The following CPEB3 variants were observed in gnomAD, a reference collection of about 807,000 sequenced individuals.
CPEB3 encodes the protein cytoplasmic polyadenylation element binding protein 3, also known as cytoplasmic polyadenylation element-binding protein 3.
CPEB3 carries 20 observed loss-of-function variants against 67.2 expected under a neutral mutation model. That is an observed-to-expected ratio of 0.30 (90% CI 0.21 to 0.43). The LOEUF (loss-of-function observed/expected upper bound fraction) is 0.43. Among genes scored for constraint, CPEB3 ranks in the 20% least tolerant of loss-of-function variants. The probability of loss-of-function intolerance (pLI) is 1.00; values close to 1 mark genes in which losing one functional copy is unlikely to be tolerated. For synonymous variants in CPEB3, 376 were observed against 393.1 expected (o/e 0.96, Z 0.51); for missense variants, 746 against 968.6 (o/e 0.77, Z 3.05).
intron 7 of CPEB3, among the ~76,000 whole-genome samples, chr10:92,104,691 T>C (rs1279342078): frequency 6.6e-6 from 1 of 151,910 alleles, no homozygotes; most frequent in Non-Finnish European, 1.5e-5. Context: ...CGGCTGGAAA[T>C]GCAACGTTTT....
intron 6 of CPEB3, among the ~76,000 whole-genome samples, chr10:92,120,098 C>CAAAAAAAAAAAAAAAAAACAAGCA (rs1845272400): frequency 1.3e-4 from 6 of 45,244 alleles, no homozygotes; most frequent in African/African-American, 7.8e-4. Context: ...ACTAAAAATA[C>CAAAAAAAAAAAAAAAAAACAAGCA]AAAAAAAAAA....
chr10:92,090,281 C>T (rs117667557), intron 8 of CPEB3, among the ~76,000 whole-genome samples: 5,558 of 152,288 alleles, frequency 0.036, 282 homozygotes, highest in East Asian at 0.18. Flanking sequence ...TGGCTCACGC[C>T]TGTAATCCCA....
chr10:92,276,873 T>TC (rs753316166), intron 1 of CPEB3, among the ~76,000 whole-genome samples: 33,746 of 152,142 alleles, frequency 0.22, 4,697 homozygotes, highest in Middle Eastern at 0.34. Flanking sequence ...CTATGATGGC[T>TC]AGTCATCCTG....
Position 92,132,868 on chromosome 10 carries a change from C to G in CPEB3, c.1453+10161G>C, listed in dbSNP as rs1845909737. Among the ~76,000 whole-genome samples, 8 of 152,310 alleles carry G rather than the reference C, an allele frequency of 5.3e-5. No homozygotes were observed. The South Asian group carries it at 1.7e-3, about 32-fold the overall frequency. On this transcript the variant is annotated intron_variant, in intron 6 of 9. Transcript: ENST00000265997. ...AGAACTCAGGATTAAGAAACTCACTCAAAACCACACAACTACATGAAAACT... is the reference window on the plus strand; with the variant it reads ...AGAACTCAGGATTAAGAAACTCACTGAAAACCACACAACTACATGAAAACT...
chr10:92,213,788 T>C (rs1246874465), intron 2 of CPEB3, among the ~76,000 whole-genome samples: 2 of 152,090 alleles, frequency 1.3e-5, no homozygotes, highest in Admixed American at 6.6e-5. Context: ...ACAACTAGGG[T>C]AAATCTCCTA....
intron 1 of CPEB3, among the ~76,000 whole-genome samples, chr10:92,254,752 T>G (rs945282467): frequency 1.3e-5 from 2 of 152,110 alleles, no homozygotes; most frequent in Non-Finnish European, 2.9e-5. Context: ...TTGATCTCCT[T>G]GGCTCAAGAG....
At chr10:92,203,085 G>A (rs1264455332) in intron 2 of CPEB3, among the ~76,000 whole-genome samples, 4 of 151,246 alleles carry the variant, frequency 2.6e-5, no homozygotes, top group Admixed American at 2.6e-4. Flanking sequence ...GGGATTACAG[G>A]CACGTGCCAC....
At chr10:92,120,519 G>A (rs1356892910) in intron 6 of CPEB3, among the ~76,000 whole-genome samples, 2 of 152,056 alleles carry the variant, frequency 1.3e-5, no homozygotes, top group Non-Finnish European at 2.9e-5. Flanking sequence ...AGGAGGCGGA[G>A]CTTGCAGTGA....
intron 8 of CPEB3, among the ~76,000 whole-genome samples, chr10:92,088,225 A>ATTTTTTT (rs374452327): frequency 7.9e-6 from 1 of 126,324 alleles, no homozygotes; most frequent in Non-Finnish European, 1.6e-5. Flanking sequence ...TTCCAACCTA[A>ATTTTTTT]TTTTTTTTTT....
intron 2 of CPEB3, among the ~76,000 whole-genome samples, chr10:92,215,575 G>A (rs1238635896): frequency 1.4e-5 from 2 of 145,086 alleles, no homozygotes; most frequent in African/African-American, 5.1e-5. Flanking sequence ...CTGAGTAGCT[G>A]GGATTACAGG....
chr10:92,169,982 T>G (rs1358984838), intron 4 of CPEB3, among the ~76,000 whole-genome samples: 1 of 152,190 alleles, frequency 6.6e-6, no homozygotes, highest in African/African-American at 2.4e-5. Flanking sequence ...ATCCTCATTC[T>G]CACTATTCCA....
chr10:92,194,944 T>C (rs1849162271), intron 2 of CPEB3, among the ~76,000 whole-genome samples: 1 of 151,736 alleles, frequency 6.6e-6, no homozygotes, highest in African/African-American at 2.4e-5. Flanking sequence ...CTAGGGAGGC[T>C]AAGGCAGGAG....
chr10:92,084,918 C>T (rs1408786702), intron 8 of CPEB3, among the ~76,000 whole-genome samples: 3 of 152,138 alleles, frequency 2.0e-5, no homozygotes, highest in Non-Finnish European at 4.4e-5. Flanking sequence ...ATACTATGAC[C>T]ACCCTTGAAG....
At chr10:92,160,236 C>G (rs557281306) in intron 4 of CPEB3, among the ~76,000 whole-genome samples, 1 of 152,060 alleles carries the variant, frequency 6.6e-6, no homozygotes. Flanking sequence ...TGAGCCACCG[C>G]GCCCAGCTGA....
intron 4 of CPEB3, among the ~76,000 whole-genome samples, chr10:92,160,589 C>T (rs551206007): frequency 3.9e-5 from 6 of 152,228 alleles, no homozygotes; most frequent in Admixed American, 1.3e-4. Context: ...AAAGGAAATA[C>T]TCCATATTTT....
chr10:92,112,565 A>G (rs1012683791), intron 6 of CPEB3, among the ~76,000 whole-genome samples: 5 of 152,252 alleles, frequency 3.3e-5, no homozygotes, highest in Non-Finnish European at 7.3e-5. Flanking sequence ...AATCACAAGG[A>G]GCAAAGGCCC....
At chr10:92,195,286 C>T (rs965883098) in intron 2 of CPEB3, among the ~76,000 whole-genome samples, 1 of 152,202 alleles carries the variant, frequency 6.6e-6, no homozygotes, top group Non-Finnish European at 1.5e-5. Context: ...CATTACCTAT[C>T]TCTCCCCTTG....
chr10:92,080,081 T>C (rs929625211), intron 9 of CPEB3, among the ~76,000 whole-genome samples: 2 of 150,584 alleles, frequency 1.3e-5, no homozygotes, highest in African/African-American at 4.9e-5. Flanking sequence ...ATGGCGGGCG[T>C]CTGTAGTCCC....
chr10:92,201,625 T>C (rs192409121), intron 2 of CPEB3, among the ~76,000 whole-genome samples: 2 of 152,292 alleles, frequency 1.3e-5, no homozygotes, highest in African/African-American at 4.8e-5. Flanking sequence ...AAGTGATTAG[T>C]TGATGTCACC....
Sources: gnomAD v4.1 joint callset for allele counts (sites outside exome capture counted in the v4.1 genomes callset) on GRCh38, gnomAD v4.1.1 for gene constraint, MANE v1.5 for transcripts, NCBI Gene and HGNC (gene_info 2026-07-23, HGNC 2026-07-21) for gene names.